SLC35D4: variants seen among roughly 807,000 people sequenced by gnomAD.
The protein encoded by SLC35D4 is UDP-N-acetylglucosamine transporter SLC35D4.
At chr18:23,270,476 C>T in the SLC35D4 span, among the ~76,000 whole-genome samples, 11 of 152,314 alleles carry the variant, frequency 7.2e-5, no homozygotes, top group South Asian at 6.2e-4. Flanking sequence ...ACTGGGGCAC[C>T]GCCTAGTGGA....
At chr18:23,310,845 T>C in the SLC35D4 span, among the ~76,000 whole-genome samples, 11 of 152,202 alleles carry the variant, frequency 7.2e-5, no homozygotes, top group African/African-American at 1.2e-4. Context: ...CTTTTCTTTG[T>C]AGTTAAGTCA....
the SLC35D4 span, chr18:23,384,962 A>G: frequency 3.6e-5 from 57 of 1,602,928 alleles, no homozygotes; most frequent in African/African-American, 7.5e-4. Flanking sequence ...ACAAGGAAGT[A>G]ACACTAGCAT....
the SLC35D4 span, among the ~76,000 whole-genome samples, chr18:23,366,308 C>T: frequency 1.3e-5 from 2 of 152,326 alleles, no homozygotes; most frequent in South Asian, 4.1e-4. Context: ...TGCCCCTCTA[C>T]AGTGCCTTCA....
At chr18:23,430,724 C>A in the SLC35D4 span, 1 of 1,504,908 alleles carries the variant, frequency 6.6e-7, no homozygotes, top group Non-Finnish European at 9.2e-7. Flanking sequence ...TGATAGAAAA[C>A]TGACAAACCA....
chr18:23,385,958 C>T, the SLC35D4 span, among the ~76,000 whole-genome samples: 1 of 151,520 alleles, frequency 6.6e-6, no homozygotes, highest in East Asian at 1.9e-4. Flanking sequence ...GGTGAAATCC[C>T]GTCTCTACTA....
At chr18:23,302,578 T>A in the SLC35D4 span, among the ~76,000 whole-genome samples, 2 of 152,156 alleles carry the variant, frequency 1.3e-5, no homozygotes, top group Admixed American at 1.3e-4. Context: ...CTGTTGTCCA[T>A]CCAAGGAGGA....
At chr18:23,380,926 T>C in the SLC35D4 span, among the ~76,000 whole-genome samples, 3 of 152,066 alleles carry the variant, frequency 2.0e-5, no homozygotes, top group Non-Finnish European at 4.4e-5. Context: ...AGGTCAACTT[T>C]TACTCTCCAA....
At chr18:23,275,509 G>A in the SLC35D4 span, among the ~76,000 whole-genome samples, 133 of 152,242 alleles carry the variant, frequency 8.7e-4, 6 homozygotes, top group South Asian at 0.026. Flanking sequence ...GGGGCTTCGC[G>A]AGAACAAGCT....
the SLC35D4 span, among the ~76,000 whole-genome samples, chr18:23,287,106 G>A: frequency 6.6e-6 from 1 of 151,950 alleles, no homozygotes; most frequent in Non-Finnish European, 1.5e-5. Context: ...GCTACAGCAT[G>A]GCCTTTTAAA....
the SLC35D4 span, among the ~76,000 whole-genome samples, chr18:23,385,935 T>C: frequency 6.6e-6 from 1 of 151,456 alleles, no homozygotes; most frequent in Non-Finnish European, 1.5e-5. Flanking sequence ...ATCGAGCCCA[T>C]CCTGGCTAAC....
chr18:23,427,611 C>T, the SLC35D4 span, among the ~76,000 whole-genome samples: 7 of 152,118 alleles, frequency 4.6e-5, no homozygotes, highest in East Asian at 1.9e-4. Context: ...GACAGTGTGG[C>T]GACTCCTCAA....
chr18:23,295,791 C>T, the SLC35D4 span, among the ~76,000 whole-genome samples: 1 of 152,080 alleles, frequency 6.6e-6, no homozygotes, highest in African/African-American at 2.4e-5. Flanking sequence ...GCGTATTTCC[C>T]GGACGCCATG....
the SLC35D4 span, chr18:23,260,110 G>T: frequency 6.6e-6 from 1 of 152,260 alleles, no homozygotes; most frequent in African/African-American, 2.4e-5. Flanking sequence ...GCAGCAGGGA[G>T]TGTGGCCCAG....
At chr18:23,400,126 A>T in the SLC35D4 span, among the ~76,000 whole-genome samples, 1 of 152,220 alleles carries the variant, frequency 6.6e-6, no homozygotes, top group Admixed American at 6.5e-5. Flanking sequence ...TTGGGTGGCC[A>T]TAGGCTGGCT....
the SLC35D4 span, among the ~76,000 whole-genome samples, chr18:23,268,175 C>T: frequency 2.0e-5 from 3 of 152,240 alleles, no homozygotes; most frequent in Admixed American, 1.3e-4. Context: ...GAACTAAAGT[C>T]AAGACACAGA....
the SLC35D4 span, among the ~76,000 whole-genome samples, chr18:23,292,706 TG>T: frequency 6.6e-5 from 10 of 152,178 alleles, no homozygotes; most frequent in Non-Finnish European, 1.3e-4. Flanking sequence ...TGGGTGGGCC[TG>T]GAAAAGTTAC....
At chr18:23,371,576 G>T in the SLC35D4 span, 1 of 881,232 alleles carries the variant, frequency 1.1e-6, no homozygotes, top group Non-Finnish European at 1.7e-6. Context: ...GCCAAGCAAG[G>T]GTCCCAAAAC....
At chr18:23,418,349 AATT>A in the SLC35D4 span, among the ~76,000 whole-genome samples, 5,530 of 142,554 alleles carry the variant, frequency 0.039, 336 homozygotes, top group African/African-American at 0.13. Context: ...GAGAAGCCAA[AATT>A]ATTATTATTA....
the SLC35D4 span, chr18:23,399,682 C>T: frequency 6.2e-7 from 1 of 1,607,836 alleles, no homozygotes; most frequent in Non-Finnish European, 8.5e-7. Flanking sequence ...AACACTTTTG[C>T]CACTTTTTGT....
Sources: allele counts gnomAD v4.1 joint callset (sites outside exome capture counted in the v4.1 genomes callset), GRCh38; gene constraint gnomAD v4.1.1; transcripts MANE v1.5; gene names NCBI Gene and HGNC (gene_info 2026-07-23, HGNC 2026-07-21).